Variants in ZNF695 observed in about 807,000 individuals in gnomAD.
The protein encoded by ZNF695 is zinc finger protein 695.
Under a neutral mutation model 11.2 loss-of-function variants are expected in ZNF695, and 11 were observed. The ratio of observed to expected loss-of-function variants is 0.98; its 90% confidence interval spans 0.62 to 1.62. The LOEUF (loss-of-function observed/expected upper bound fraction) is 1.62, where lower values mean the gene tolerates loss of function less well. Ranked by LOEUF, ZNF695 falls within the 40% of genes most tolerant of loss-of-function variation. ZNF695 has a pLI of 0.00. For synonymous variants in ZNF695, 190 were observed against 201.4 expected (o/e 0.94, Z 0.48); for missense variants, 559 against 590.5 (o/e 0.95, Z 0.55).
rs1422409963 is a variant in ZNF695 at position 246,987,405 on chromosome 1, A to G, written c.1110T>C (p.His370=). ...GTTTCTCACCAGTATGAATTCTCCT[A>G]TGTTCAGTCAGATGTGAGCTCTGGT... is the stretch of plus-strand genomic sequence containing the variant. ...AFNQSSHLTE[H]RRIHTGEKPY... The change falls in exon 4 of 4, where the codon CAT becomes CAC. Residue 370 remains histidine, a synonymous_variant. Transcript: ENST00000339986. 6.2e-7 allele frequency: 1 copy of G among 1,612,288 alleles called. No individual in the cohort carries two copies. Among genetic ancestry groups the G allele is most frequent in the Non-Finnish European group, 8.5e-7 (1 of 1,179,254 alleles).
intron 1 of ZNF695, among the ~76,000 whole-genome samples, chr1:247,001,536 AC>A (rs1669382435): frequency 6.6e-6 from 1 of 151,924 alleles, no homozygotes; most frequent in African/African-American, 2.4e-5. Context: ...ACATAGTGAA[AC>A]CCCATCTCTA....
downstream of ZNF695, among the ~76,000 whole-genome samples, chr1:246,984,277 T>A (rs573531599): frequency 2.2e-3 from 259 of 120,196 alleles, 24 homozygotes; most frequent in South Asian, 0.015. Context: ...ATAACACAGG[T>A]TTTAAAAAAA....
intron 5 of ZNF695, among the ~76,000 whole-genome samples, chr1:246,953,983 C>A (rs1667932009): frequency 6.6e-6 from 1 of 150,684 alleles, no homozygotes; most frequent in South Asian, 2.1e-4. Context: ...AACAAAGAAG[C>A]CTAAAAACTC....
intron 3 of ZNF695, among the ~76,000 whole-genome samples, chr1:246,988,589 T>G (rs61852605): frequency 1.3e-5 from 2 of 152,126 alleles, no homozygotes; most frequent in African/African-American, 2.4e-5. Context: ...CCCTAGAATA[T>G]TATATCCAGC....
chr1:246,961,064 T>C (rs1470469437), intron 5 of ZNF695, among the ~76,000 whole-genome samples: 1 of 152,232 alleles, frequency 6.6e-6, no homozygotes, highest in Non-Finnish European at 1.5e-5. Context: ...CCTGACTTGA[T>C]TCACTCATTG....
At chr1:246,989,229 C>A (rs911532192) in intron 3 of ZNF695, among the ~76,000 whole-genome samples, 8 of 152,170 alleles carry the variant, frequency 5.3e-5, no homozygotes, top group Non-Finnish European at 8.8e-5. Context: ...TGTGGCATTG[C>A]ATTCCAGCCT....
At chr1:246,978,465 G>C (rs10924879) in intron 4 of ZNF695, among the ~76,000 whole-genome samples, 80,373 of 151,948 alleles carry the variant, frequency 0.53, 25,306 homozygotes, top group East Asian at 0.97. Flanking sequence ...TAATTTGCAT[G>C]ATGATGATGC....
intron 5 of ZNF695, among the ~76,000 whole-genome samples, chr1:246,946,651 C>G (rs1667742114): frequency 6.6e-6 from 1 of 152,250 alleles, no homozygotes; most frequent in African/African-American, 2.4e-5. Context: ...GCTCATCTGT[C>G]TCAAGGAGAC....
rs12122123 is a variant in ZNF695, at chr1:246,976,748, C to T, written c.391-8956G>A. Among the ~76,000 whole-genome samples, 605 of 152,120 alleles carry T rather than the reference C, an allele frequency of 4.0e-3. 1 individual carries two copies. Among genetic ancestry groups the T allele is most frequent in the Non-Finnish European group, 5.8e-3 (395 of 67,988 alleles). On this transcript the variant is annotated intron_variant, in intron 4 of 5. Transcript: ENST00000487338. ...GGCAGAGCTTGCAGTGTGCTGAGAT[C>T]GCGCCACTGCACTCCAGCCTGGGCG... is the stretch of plus-strand genomic sequence containing the variant.
intron 5 of ZNF695, among the ~76,000 whole-genome samples, chr1:246,967,117 T>C (rs995876871): frequency 6.6e-6 from 1 of 152,228 alleles, no homozygotes; most frequent in Non-Finnish European, 1.5e-5. Flanking sequence ...TTTGTATTTT[T>C]AGTAGAGACG....
intron 3 of ZNF695, among the ~76,000 whole-genome samples, chr1:246,994,387 G>A (rs531240696): frequency 2.7e-5 from 4 of 150,600 alleles, no homozygotes; most frequent in East Asian, 4.0e-4. Flanking sequence ...CTAAAAATAC[G>A]AAAATTAGCT....
intron 4 of ZNF695, among the ~76,000 whole-genome samples, chr1:246,978,698 G>C (rs1004320839): frequency 1.3e-5 from 2 of 152,180 alleles, no homozygotes; most frequent in Non-Finnish European, 2.9e-5. Flanking sequence ...TACGGCTCAG[G>C]TACTGCAGAG....
chr1:246,955,243 C>A (rs1667966489), intron 5 of ZNF695, among the ~76,000 whole-genome samples: 1 of 152,136 alleles, frequency 6.6e-6, no homozygotes, highest in Admixed American at 6.5e-5. Context: ...TTCTTCATAG[C>A]AGTATGAAAA....
chr1:246,984,351 C>CA (rs1034370528), downstream of ZNF695, among the ~76,000 whole-genome samples: 7 of 147,346 alleles, frequency 4.8e-5, no homozygotes, highest in African/African-American at 1.0e-4. Context: ...AAAGAGACCA[C>CA]AAAAAAACAG....
chr1:246,986,606 G>T lies in ZNF695; in HGVS notation c.*361C>A. 1 of 1,014,824 alleles carries T rather than the reference G, an allele frequency of 9.9e-7. No individual in the cohort carries two copies. Among genetic ancestry groups the T allele is most frequent in the Non-Finnish European group, 1.2e-6 (1 of 849,232 alleles). 62.9% of individuals were successfully genotyped at this position (1,014,824 alleles called of 1,614,324 possible). Reference sequence around the variant, plus strand: ...AAACAGTTTTTAGTGTGAACACTCTGGTGTTTTCTGAGGTATATTTTTTGA... The same window carrying T: ...AAACAGTTTTTAGTGTGAACACTCTTGTGTTTTCTGAGGTATATTTTTTGA... On this transcript the variant is annotated 3_prime_UTR_variant, in exon 4 of 4. Transcript: ENST00000339986.
intron 4 of ZNF695, among the ~76,000 whole-genome samples, chr1:246,970,444 G>A (rs1055591870): frequency 3.3e-5 from 5 of 152,170 alleles, no homozygotes; most frequent in Non-Finnish European, 5.9e-5. Flanking sequence ...GACTGGAGGT[G>A]GGGATGGCTA....
intron 5 of ZNF695, among the ~76,000 whole-genome samples, chr1:246,957,508 G>A (rs1317227796): frequency 1.3e-5 from 2 of 152,004 alleles, no homozygotes; most frequent in Non-Finnish European, 2.9e-5. Context: ...GGACTATATT[G>A]GACTATTCTT....
chr1:246,992,056 C>A (rs574045671), intron 3 of ZNF695, among the ~76,000 whole-genome samples: 1 of 151,916 alleles, frequency 6.6e-6, no homozygotes, highest in African/African-American at 2.4e-5. Context: ...CGCAGCTACT[C>A]GGGAGGCTGA....
intron 5 of ZNF695, among the ~76,000 whole-genome samples, chr1:246,953,858 G>A (rs532145424): frequency 6.6e-5 from 10 of 150,424 alleles, no homozygotes; most frequent in Non-Finnish European, 1.5e-4. Context: ...CCCAGGAGAT[G>A]AAGGTTGCAG....
Sources: gnomAD v4.1 joint callset for allele counts (sites outside exome capture counted in the v4.1 genomes callset) on GRCh38, gnomAD v4.1.1 for gene constraint, MANE v1.5 for transcripts, NCBI Gene and HGNC (gene_info 2026-07-23, HGNC 2026-07-21) for gene names.